GALNT7: variants seen among roughly 807,000 people sequenced by gnomAD.
GALNT7 encodes polypeptide N-acetylgalactosaminyltransferase 7.
A neutral mutation model predicts 82.1 loss-of-function variants in GALNT7; 60 were observed. The ratio of observed to expected loss-of-function variants is 0.73; its 90% CI spans 0.59 to 0.91. The LOEUF (loss-of-function observed/expected upper bound fraction) is 0.91. GALNT7 is among the 40% of genes least tolerant of loss of function. The pLI is 0.00. For synonymous variants in GALNT7, 243 were observed against 275.1 expected (o/e 0.88, Z 1.15); for missense variants, 660 against 804.2 (o/e 0.82, Z 2.17).
chr4:173,290,277 G>A (rs898386698), intron 2 of GALNT7, among the ~76,000 whole-genome samples: 45 of 152,018 alleles, frequency 3.0e-4, no homozygotes, highest in African/African-American at 9.7e-4. Flanking sequence ...CCATACTATG[G>A]AATATTCAAT....
chr4:173,239,434 G>A (rs1003904649), intron 1 of GALNT7, among the ~76,000 whole-genome samples: 7 of 152,164 alleles, frequency 4.6e-5, no homozygotes, highest in Admixed American at 4.6e-4. Context: ...ATAATACACA[G>A]TATCTGTCCT....
intron 1 of GALNT7, among the ~76,000 whole-genome samples, chr4:173,199,811 C>T (rs1561151244): frequency 6.6e-6 from 1 of 152,160 alleles, no homozygotes; most frequent in Non-Finnish European, 1.5e-5. Context: ...TGGAATAAAT[C>T]AGAATCTGCA....
chr4:173,203,744 A>G (rs1733011422), intron 1 of GALNT7, among the ~76,000 whole-genome samples: 1 of 152,106 alleles, frequency 6.6e-6, no homozygotes, highest in African/African-American at 2.4e-5. Flanking sequence ...CTTTTGCTCT[A>G]CTTCCTCCCA....
At chr4:173,203,658 G>A (rs1423786888) in intron 1 of GALNT7, among the ~76,000 whole-genome samples, 1 of 151,994 alleles carries the variant, frequency 6.6e-6, no homozygotes, top group Non-Finnish European at 1.5e-5. Flanking sequence ...TTACCGTTAG[G>A]TTTATATACA....
intron 2 of GALNT7, among the ~76,000 whole-genome samples, chr4:173,274,134 T>C (rs1165268650): frequency 6.6e-6 from 1 of 152,226 alleles, no homozygotes; most frequent in Non-Finnish European, 1.5e-5. Context: ...TACAAGAACA[T>C]ATGTCCAGTC....
chr4:173,299,328 A>C (rs1159382474), intron 6 of GALNT7, among the ~76,000 whole-genome samples: 1 of 152,332 alleles, frequency 6.6e-6, no homozygotes, highest in African/African-American at 2.4e-5. Flanking sequence ...ATAGTCCAGG[A>C]ATCAACTGCT....
At chr4:173,281,901 T>A (rs1736121861) in intron 2 of GALNT7, among the ~76,000 whole-genome samples, 1 of 152,188 alleles carries the variant, frequency 6.6e-6, no homozygotes, top group South Asian at 2.1e-4. Context: ...CCAGTGCACC[T>A]TAAAGTAGCG....
chr4:173,261,218 G>T (rs865917538), intron 2 of GALNT7, among the ~76,000 whole-genome samples: 1 of 152,088 alleles, frequency 6.6e-6, no homozygotes, highest in Non-Finnish European at 1.5e-5. Context: ...TGGCCAGGAC[G>T]CCATCCTATC....
intron 2 of GALNT7, among the ~76,000 whole-genome samples, chr4:173,266,563 A>G (rs1488278257): frequency 6.6e-6 from 1 of 152,222 alleles, no homozygotes; most frequent in Non-Finnish European, 1.5e-5. Flanking sequence ...CTTAGGAGCA[A>G]AAGAAGTATG....
chr4:173,248,641 A>C (rs762748562), intron 2 of GALNT7, among the ~76,000 whole-genome samples: 2 of 152,196 alleles, frequency 1.3e-5, no homozygotes, highest in Non-Finnish European at 2.9e-5. Context: ...GCTGTATAAA[A>C]TTCTGGGGCC....
intron 1 of GALNT7, among the ~76,000 whole-genome samples, chr4:173,239,154 A>G (rs1219899597): frequency 6.6e-6 from 1 of 152,202 alleles, no homozygotes; most frequent in East Asian, 1.9e-4. Flanking sequence ...AACATGATTT[A>G]TCCAAATCTG....
intron 1 of GALNT7, among the ~76,000 whole-genome samples, chr4:173,209,359 C>G (rs1170318505): frequency 1.3e-5 from 2 of 152,208 alleles, no homozygotes; most frequent in Non-Finnish European, 2.9e-5. Context: ...TTCTTTCTAG[C>G]TAGGCAGAAA....
intron 2 of GALNT7, among the ~76,000 whole-genome samples, chr4:173,254,223 A>T (rs1399129013): frequency 6.6e-6 from 1 of 152,210 alleles, no homozygotes; most frequent in East Asian, 1.9e-4. Context: ...AATATTTTTT[A>T]AAAAGATATT....
intron 1 of GALNT7, among the ~76,000 whole-genome samples, chr4:173,189,042 C>T (rs1253912173): frequency 6.6e-6 from 1 of 152,192 alleles, no homozygotes; most frequent in Admixed American, 6.5e-5. Context: ...TGGTCTTGAA[C>T]CCCGGTTGAG....
intron 1 of GALNT7, among the ~76,000 whole-genome samples, chr4:173,203,763 G>A (rs1018770018): frequency 2.0e-5 from 3 of 152,062 alleles, no homozygotes; most frequent in East Asian, 3.9e-4. Context: ...CACATTTTAC[G>A]CTTTTGATGC....
chr4:173,250,121 A>G (rs1033585781), intron 2 of GALNT7, among the ~76,000 whole-genome samples: 6 of 152,116 alleles, frequency 3.9e-5, no homozygotes, highest in Non-Finnish European at 8.8e-5. Flanking sequence ...ACTTCTTTGC[A>G]TTTACCTAGA....
At chr4:173,281,623 C>T (rs1000571289) in intron 2 of GALNT7, among the ~76,000 whole-genome samples, 1 of 152,188 alleles carries the variant, frequency 6.6e-6, no homozygotes, top group Non-Finnish European at 1.5e-5. Context: ...GTCTCTAGGT[C>T]TCCTGCCCAA....
rs1736988851 is a variant in GALNT7 at position 173,302,646 on chromosome 4, C to T, written c.1266+482C>T. On this transcript the variant is annotated intron_variant, in intron 7 of 11. Coordinates refer to ENST00000265000, the MANE Select transcript of GALNT7 (RefSeq NM_017423.3). This position sits in a 1 kb window ranked among gnomAD's most constrained non-coding sequence, Gnocchi z 4.2. ...CCCTGTTGTTGAAGCAGTCTGGGAG[C>T]AATACTATCTTCCATGCTCCAGCCC... Among the ~76,000 whole-genome samples the T allele has an allele frequency of 6.6e-6, 1 of 152,172 alleles. No individual in the cohort carries two copies. Among genetic ancestry groups the T allele is most frequent in the Admixed American group, 6.5e-5 (1 of 15,284 alleles).
chr4:173,174,630 C>T (rs1731978518), intron 1 of GALNT7, among the ~76,000 whole-genome samples: 1 of 152,154 alleles, frequency 6.6e-6, no homozygotes, highest in Admixed American at 6.5e-5. Context: ...CCCCATCCTC[C>T]CCTCCCTAAG....
Sources: gnomAD v4.1 joint callset for allele counts (sites outside exome capture counted in the v4.1 genomes callset) on GRCh38, gnomAD v4.1.1 for gene constraint, Gnocchi (gnomAD v3.1) non-coding constraint, MANE v1.5 for transcripts, NCBI Gene and HGNC (gene_info 2026-07-23, HGNC 2026-07-21) for gene names.